MYLK: variants seen among roughly 807,000 people sequenced by gnomAD.
The protein encoded by MYLK is myosin light chain kinase, also known as myosin light chain kinase, smooth muscle.
MYLK carries 106 observed loss-of-function variants against 203.4 expected under a neutral mutation model. The ratio of observed to expected loss-of-function variants is 0.52; its 90% CI spans 0.45 to 0.61. MYLK has a LOEUF of 0.61. Ranked by LOEUF, MYLK falls within the 20% of genes least tolerant of loss-of-function variation. The pLI is 0.00. For synonymous variants in MYLK, 867 were observed against 959.5 expected (o/e 0.90, Z 1.78); for missense variants, 2,072 against 2,442.3 (o/e 0.85, Z 3.20).
chr3:123,664,383 T>C, intron 22 of MYLK, 125 bp from the exon 23 acceptor site: 1 of 1,295,440 alleles, frequency 7.7e-7, no homozygotes, highest in Non-Finnish European at 1.1e-6. Flanking sequence ...GGGCTCAGTC[T>C]GGTCTGGACT....
chr3:123,876,949 C>G (rs968045625), intron 1 of MYLK, among the ~76,000 whole-genome samples: 1 of 152,152 alleles, frequency 6.6e-6, no homozygotes, highest in African/African-American at 2.4e-5. Context: ...TAATTTATGA[C>G]TTGTCTCTGT....
chr3:123,719,414 T>C (rs1436704975), intron 13 of MYLK, among the ~76,000 whole-genome samples: 1 of 152,212 alleles, frequency 6.6e-6, no homozygotes, highest in Non-Finnish European at 1.5e-5. Flanking sequence ...TGTAGCAAAG[T>C]GGATCCTTTG....
chr3:123,873,554 A>G (rs901675616), intron 2 of MYLK, among the ~76,000 whole-genome samples: 4 of 145,140 alleles, frequency 2.8e-5, no homozygotes, highest in Non-Finnish European at 1.6e-5. Flanking sequence ...AAGAATCTAG[A>G]AAAAAAAGCT....
intron 2 of MYLK, among the ~76,000 whole-genome samples, chr3:123,840,546 A>G (rs959877149): frequency 1.3e-5 from 2 of 151,728 alleles, no homozygotes; most frequent in Non-Finnish European, 1.5e-5. Context: ...GAGAACCTCA[A>G]TTAAAGAAAT....
intron 4 of MYLK, among the ~76,000 whole-genome samples, chr3:123,790,339 C>T (rs754380184): frequency 2.6e-5 from 4 of 152,184 alleles, no homozygotes; most frequent in African/African-American, 7.2e-5. Flanking sequence ...TTAGCTGCAA[C>T]GGAAGCCTCT....
chr3:123,703,806 G>A (rs1186492428), intron 16 of MYLK, among the ~76,000 whole-genome samples: 1 of 152,224 alleles, frequency 6.6e-6, no homozygotes, highest in Admixed American at 6.5e-5. Flanking sequence ...ATGCCCAAGG[G>A]CTGTGTTTGC....
At chr3:123,691,045 AT>A (rs1364400594) in intron 19 of MYLK, among the ~76,000 whole-genome samples, 2 of 152,164 alleles carry the variant, frequency 1.3e-5, no homozygotes, top group Admixed American at 1.3e-4. Context: ...AGGTGCTGAC[AT>A]TTTACAGATA....
chr3:123,862,102 G>T (rs981755411), intron 2 of MYLK, among the ~76,000 whole-genome samples: 2 of 152,208 alleles, frequency 1.3e-5, no homozygotes, highest in Non-Finnish European at 2.9e-5. Context: ...GGCCATGCTG[G>T]CTCAGCGTCA....
At position 123,719,276 on chromosome 3, in the gene MYLK, A is replaced by G. The variant is rs552036325; in HGVS notation, c.1804+2852T>C. Among the ~76,000 whole-genome samples, 4 of 152,066 alleles carry G rather than the reference A, an allele frequency of 2.6e-5. No homozygotes were observed. In the East Asian group the frequency reaches 7.8e-4, roughly 30 times the overall value. ...CCCCCGAGAGAAGACAACTGGAGGG[A>G]CACGCGTTGCTGCATGGTGCCACCT... is the stretch of plus-strand genomic sequence containing the variant. On this transcript the variant is annotated intron_variant, in intron 13 of 33. Transcript: ENST00000360304.
At chr3:123,631,933 G>C (rs549888380) in intron 29 of MYLK, among the ~76,000 whole-genome samples, 59 of 150,994 alleles carry the variant, frequency 3.9e-4, no homozygotes, top group African/African-American at 1.4e-3. Context: ...GCAGTGGTGC[G>C]ATCTCTGCTC....
At chr3:123,625,826 T>C (rs1030794212) in intron 31 of MYLK, among the ~76,000 whole-genome samples, 19 of 150,542 alleles carry the variant, frequency 1.3e-4, no homozygotes, top group African/African-American at 4.4e-4. Context: ...AAAAAAAGAA[T>C]TGTAATTCTA....
intron 12 of MYLK, among the ~76,000 whole-genome samples, chr3:123,722,837 G>A (rs937348559): frequency 2.0e-5 from 3 of 152,136 alleles, no homozygotes; most frequent in African/African-American, 7.2e-5. Context: ...TTGCAGTTAG[G>A]TGCGTTTCTT....
At chr3:123,796,581 A>G (rs2064995617) in intron 3 of MYLK, among the ~76,000 whole-genome samples, 1 of 152,250 alleles carries the variant, frequency 6.6e-6, no homozygotes, top group African/African-American at 2.4e-5. Flanking sequence ...GTCTTTACAT[A>G]TCAGAAGAAA....
At chr3:123,861,840 G>A (rs1004729205) in intron 2 of MYLK, among the ~76,000 whole-genome samples, 3 of 152,162 alleles carry the variant, frequency 2.0e-5, no homozygotes, top group African/African-American at 7.2e-5. Context: ...GGCTTTTCTA[G>A]AAGTGGGGCT....
In MYLK at chr3:123,737,592, T is replaced by G. The variant is rs750743219; in HGVS notation, c.589-49A>C. On this transcript the variant is annotated intron_variant, in intron 7 of 33. Transcript: ENST00000360304. ...TGGTCATACAAATCTGCTCACCTTC[T>G]GGCTGTGTCCTCCTGCCTCCTGCCA... 6.2e-6 allele frequency: 10 copies of G among 1,610,794 alleles called. No homozygotes were observed. The Admixed American group carries it at 1.0e-4, about 16-fold the overall frequency.
Position 123,682,210 on chromosome 3 carries a change from G to A in MYLK, c.3652+14C>T. ...GCCTCTGCCTCTGCCTGGTGAAGCT[G>A]GGCGAGTACTCACTCTCAGTTCCTA... On this transcript the variant is annotated intron_variant, in intron 20 of 33. Coordinates refer to ENST00000360304, the MANE Select transcript of MYLK (RefSeq NM_053025.4). 1 of 1,589,496 alleles carries A rather than the reference G, an allele frequency of 6.3e-7. No individual in the cohort carries two copies. Among genetic ancestry groups the A allele is most frequent in the South Asian group, 1.1e-5 (1 of 87,168 alleles).
intron 1 of MYLK, among the ~76,000 whole-genome samples, chr3:123,878,221 G>A (rs944940344): frequency 8.5e-5 from 13 of 152,186 alleles, no homozygotes; most frequent in Non-Finnish European, 1.3e-4. Context: ...TGCCAAGCAC[G>A]TGTTCATCTG....
chr3:123,700,046 G>C lies in MYLK; in HGVS notation c.3422C>G (p.Thr1141Ser), dbSNP rs542248731. 6.2e-7 allele frequency: 1 copy of C among 1,614,080 alleles called. No individual in the cohort carries two copies. Among genetic ancestry groups the C allele is most frequent in the Admixed American group, 1.7e-5 (1 of 60,020 alleles). ...WTLNGKTLKT[T>S]KFIILSQEGS... ...TTCCTGGGAGAGGATGATGAACTTG[G>C]TGGTCTTGAGGGTCTTTCCGTTCAG... Residue 1141 changes from threonine (T) to serine (S), a missense_variant, in exon 18 of 34, where the codon ACC becomes AGC. Coordinates refer to ENST00000360304, the MANE Select transcript of MYLK (RefSeq NM_053025.4).
chr3:123,873,427 A>G (rs1370811162), intron 2 of MYLK, among the ~76,000 whole-genome samples: 1 of 152,142 alleles, frequency 6.6e-6, no homozygotes, highest in African/African-American at 2.4e-5. Context: ...TTAACATTAT[A>G]CTGGAAATCT....
Sources: gnomAD v4.1 joint callset for allele counts (sites outside exome capture counted in the v4.1 genomes callset) on GRCh38, gnomAD v4.1.1 for gene constraint, MANE v1.5 for transcripts, NCBI Gene and HGNC (gene_info 2026-07-23, HGNC 2026-07-21) for gene names.